The following OSBPL6 variants were observed in gnomAD, a reference collection of about 807,000 sequenced individuals.
OSBPL6 encodes oxysterol binding protein like 6.
In OSBPL6, 49 loss-of-function variants were observed where a neutral mutation model predicts 125.8. That is an observed-to-expected ratio of 0.39 (90% confidence interval 0.31 to 0.49). OSBPL6 has a LOEUF of 0.49. Ranked by LOEUF, OSBPL6 falls within the 20% of genes least tolerant of loss-of-function variation. The pLI is 0.88. For synonymous variants in OSBPL6, 394 were observed against 391.8 expected (o/e 1.01, Z -0.07); for missense variants, 986 against 1,135.4 (o/e 0.87, Z 1.89).
chr2:178,225,003 TTCTCTC>T (rs10679680), intron 1 of OSBPL6, among the ~76,000 whole-genome samples: 5 of 148,442 alleles, frequency 3.4e-5, no homozygotes, highest in African/African-American at 9.9e-5. Context: ...CTCTCTCTCT[TTCTCTC>T]TCTCTCTCTC....
At chr2:178,209,706 CT>C (rs939109328) in intron 1 of OSBPL6, among the ~76,000 whole-genome samples, 1 of 151,826 alleles carries the variant, frequency 6.6e-6, no homozygotes, top group Non-Finnish European at 1.5e-5. Context: ...TCAAGTGGGT[CT>C]TTTAAACTGA....
At chr2:178,366,687 T>C (rs1437484400) in intron 13 of OSBPL6, among the ~76,000 whole-genome samples, 2 of 152,234 alleles carry the variant, frequency 1.3e-5, no homozygotes, top group African/African-American at 2.4e-5. Flanking sequence ...GTCATATCTG[T>C]CATCCTCCCT....
chr2:178,264,078 A>T (rs950047176), intron 1 of OSBPL6, among the ~76,000 whole-genome samples: 10 of 151,870 alleles, frequency 6.6e-5, no homozygotes, highest in Non-Finnish European at 1.3e-4. Flanking sequence ...ATGGGACACT[A>T]CCCTAACTTC....
intron 1 of OSBPL6, among the ~76,000 whole-genome samples, chr2:178,260,230 A>G (rs189123806): frequency 6.6e-6 from 1 of 152,286 alleles, no homozygotes; most frequent in Admixed American, 6.5e-5. Context: ...GTTTTTTTAG[A>G]AGATCATCAT....
intron 1 of OSBPL6, among the ~76,000 whole-genome samples, chr2:178,282,579 T>G (rs1684309153): frequency 6.6e-6 from 1 of 152,206 alleles, no homozygotes; most frequent in East Asian, 1.9e-4. Flanking sequence ...TATCAGTGTC[T>G]TCTCTGTTTC....
chr2:178,379,665 A>G (rs1575021458), intron 15 of OSBPL6, among the ~76,000 whole-genome samples: 3 of 152,174 alleles, frequency 2.0e-5, no homozygotes, highest in Admixed American at 6.6e-5. Flanking sequence ...TTTTTCAGAG[A>G]AATCACCAGA....
chr2:178,349,202 AATT>A lies in OSBPL6; in HGVS notation c.988-21_988-19del, dbSNP rs1427565887. The stretch of plus-strand genomic sequence containing the variant: ...AAACAATGCACTGTTGCTGTTTAAT[AATT>A]TGTATCTTCCCCTTTCAGGTTCCTT... On this transcript the variant is annotated intron_variant, in intron 11 of 24. Transcript: ENST00000190611. The A allele has an allele frequency of 6.2e-7, 1 of 1,612,144 alleles. No individual in the cohort carries two copies. Among genetic ancestry groups the A allele is most frequent in the Non-Finnish European group, 8.5e-7 (1 of 1,178,254 alleles).
At chr2:178,283,333 T>G (rs1684396728) in intron 1 of OSBPL6, among the ~76,000 whole-genome samples, 1 of 152,002 alleles carries the variant, frequency 6.6e-6, no homozygotes, top group Admixed American at 6.6e-5. Flanking sequence ...CCTTAGAATA[T>G]GTATGTATGT....
chr2:178,381,738 A>G (rs974816642), intron 15 of OSBPL6, among the ~76,000 whole-genome samples: 6 of 152,140 alleles, frequency 3.9e-5, no homozygotes, highest in African/African-American at 1.4e-4. Flanking sequence ...CTTCCTGAAA[A>G]CCAAATCTGA....
intron 13 of OSBPL6, among the ~76,000 whole-genome samples, chr2:178,369,707 C>G (rs1693198111): frequency 6.6e-6 from 1 of 152,092 alleles, no homozygotes; most frequent in African/African-American, 2.4e-5. Flanking sequence ...ATCACACATA[C>G]CTGTAGGCAT....
At chr2:178,382,111 C>G (rs1316707785) in intron 15 of OSBPL6, among the ~76,000 whole-genome samples, 1 of 152,160 alleles carries the variant, frequency 6.6e-6, no homozygotes, top group Non-Finnish European at 1.5e-5. Flanking sequence ...GGCAAAAACG[C>G]AAGTACTCTT....
At position 178,356,337 on chromosome 2, in the gene OSBPL6, C is replaced by T. The variant is rs75341992; in HGVS notation, c.1154-5345C>T. Among the ~76,000 whole-genome samples, 223 of 152,252 alleles carry T rather than the reference C, an allele frequency of 1.5e-3. 1 individual carries two copies. The highest frequency in any genetic ancestry group is 4.7e-3 in the African/African-American group (194 of 41,536). ...ATGACATGATTGTATATTTAGAAAA[C>T]CCCATTGCCGCCACCCCAAATCTCC... On this transcript the variant is annotated intron_variant, in intron 12 of 24. Transcript: ENST00000190611.
At chr2:178,250,511 C>T (rs752408462) in intron 1 of OSBPL6, among the ~76,000 whole-genome samples, 14 of 152,278 alleles carry the variant, frequency 9.2e-5, no homozygotes, top group East Asian at 1.9e-4. Context: ...TCCCATTGTA[C>T]GTAGAAGGAA....
Position 178,201,016 on chromosome 2 carries a change from G to C in OSBPL6, c.-351+6342G>C, listed in dbSNP as rs536629047. 5.3e-5 allele frequency among the ~76,000 whole-genome samples: 8 copies of C among 152,052 alleles called. No homozygotes were observed. In the South Asian group the frequency reaches 1.0e-3, roughly 20 times the overall value. On this transcript the variant is annotated intron_variant, in intron 1 of 24. Transcript: ENST00000190611. ...TCACCGTGTTAGCCAGGATGGTCTT[G>C]ATCTCCTGACCTTGTGATCTGCCCA...
intron 13 of OSBPL6, among the ~76,000 whole-genome samples, chr2:178,364,968 G>A (rs1692681929): frequency 6.6e-6 from 1 of 152,146 alleles, no homozygotes; most frequent in Admixed American, 6.5e-5. Context: ...CATGAGGTCA[G>A]GAGTTCGAGA....
chr2:178,197,394 T>C (rs2088964459), intron 1 of OSBPL6, among the ~76,000 whole-genome samples: 1 of 152,168 alleles, frequency 6.6e-6, no homozygotes, highest in Admixed American at 6.5e-5. Flanking sequence ...CACACATGGA[T>C]GTTTGTTATT....
chr2:178,326,906 C>T (rs914917957), intron 4 of OSBPL6, among the ~76,000 whole-genome samples: 10 of 151,796 alleles, frequency 6.6e-5, no homozygotes, highest in Non-Finnish European at 1.0e-4. Context: ...ATCTCTTTTT[C>T]CCCCCCTTCT....
chr2:178,285,299 T>C (rs1684591254), intron 2 of OSBPL6, among the ~76,000 whole-genome samples, 178 bp downstream of exon 2: 1 of 152,220 alleles, frequency 6.6e-6, no homozygotes, highest in African/African-American at 2.4e-5. Flanking sequence ...AAAGTTCTTT[T>C]TTTTTTAAGG....
intron 23 of OSBPL6, among the ~76,000 whole-genome samples, chr2:178,393,122 G>A (rs1695562132): frequency 6.6e-6 from 1 of 152,094 alleles, no homozygotes; most frequent in African/African-American, 2.4e-5. Context: ...TTTACCAAAG[G>A]TCTGTAAATT....
Sources: gnomAD v4.1 joint callset for allele counts (sites outside exome capture counted in the v4.1 genomes callset) on GRCh38, gnomAD v4.1.1 for gene constraint, MANE v1.5 for transcripts, NCBI Gene and HGNC (gene_info 2026-07-23, HGNC 2026-07-21) for gene names.